The following MYO18B variants were observed in gnomAD, a reference collection of about 807,000 sequenced individuals.
MYO18B encodes myosin XVIIIB, also known as unconventional myosin-XVIIIb.
A neutral mutation model predicts 273.0 loss-of-function variants in MYO18B; 204 were observed. That is an observed-to-expected ratio of 0.75 (90% CI 0.67 to 0.84). The LOEUF is 0.84. Among genes scored for constraint, MYO18B ranks in the 40% least tolerant of loss-of-function variants. MYO18B has a pLI of 0.00. For synonymous variants in MYO18B, 1,330 were observed against 1,305.7 expected, an observed-to-expected ratio of 1.02 and a Z score of -0.40; for missense variants, 3,212 against 3,287.6, an observed-to-expected ratio of 0.98 and a Z score of 0.56.
chr22:25,928,165 C>A (rs2092447454), intron 34 of MYO18B, among the ~76,000 whole-genome samples: 1 of 152,016 alleles, frequency 6.6e-6, no homozygotes, highest in Non-Finnish European at 1.5e-5. Context: ...GGAGCCAGTT[C>A]ATGAATGGTT....
intron 17 of MYO18B, among the ~76,000 whole-genome samples, chr22:25,843,385 GA>G (rs1353753501): frequency 6.6e-6 from 1 of 152,170 alleles, no homozygotes; most frequent in Non-Finnish European, 1.5e-5. Flanking sequence ...CTTTTAAAAT[GA>G]ATGTACTGTA....
chr22:25,945,004 C>T (rs1247494806), intron 34 of MYO18B, among the ~76,000 whole-genome samples: 1 of 152,068 alleles, frequency 6.6e-6, no homozygotes, highest in East Asian at 1.9e-4. Context: ...TTGATGACTC[C>T]ACTTTGCTAG....
At chr22:25,759,399 C>T (rs546899334) in intron 1 of MYO18B, among the ~76,000 whole-genome samples, 24 of 151,852 alleles carry the variant, frequency 1.6e-4, no homozygotes, top group African/African-American at 5.8e-4. Context: ...TGGAAACCAT[C>T]ATTCTCAGTA....
intron 36 of MYO18B, among the ~76,000 whole-genome samples, chr22:25,948,183 A>G (rs2269641): frequency 0.83 from 125,822 of 151,992 alleles, 53,010 homozygotes; most frequent in Middle Eastern, 0.96. Context: ...TCCATTGTCC[A>G]TCCATCCATC....
chr22:25,957,476 T>G (rs2092867186), intron 39 of MYO18B, among the ~76,000 whole-genome samples: 1 of 152,248 alleles, frequency 6.6e-6, no homozygotes, highest in Admixed American at 6.5e-5. Flanking sequence ...GGCAAGATTC[T>G]GGATAAGTTT....
intron 18 of MYO18B, 121 bp downstream of exon 18, chr22:25,844,015 C>G (rs1006278493): frequency 1.2e-6 from 1 of 857,098 alleles, no homozygotes; most frequent in Non-Finnish European, 1.7e-6. Flanking sequence ...AATCCCATCC[C>G]TCCATAATGG....
intron 21 of MYO18B, among the ~76,000 whole-genome samples, chr22:25,854,433 GGTA>G (rs2090510592): frequency 6.6e-6 from 1 of 152,098 alleles, no homozygotes. Context: ...CACCCAGCCA[GGTA>G]GTAGTAGAGC....
chr22:25,864,434 CT>C (rs2090829259), intron 21 of MYO18B, among the ~76,000 whole-genome samples: 1 of 152,130 alleles, frequency 6.6e-6, no homozygotes. Context: ...CTTATATGAC[CT>C]TATTAAATCT....
chr22:25,877,868 C>T (rs1351674979), intron 24 of MYO18B, 91 bp from the exon 25 acceptor site: 103 of 954,462 alleles, frequency 1.1e-4, no homozygotes, highest in South Asian at 7.7e-4. Flanking sequence ...TTCCTCCTAA[C>T]GGAAACTTTG....
At chr22:25,937,495 C>T (rs74893042) in intron 34 of MYO18B, among the ~76,000 whole-genome samples, 2,395 of 152,122 alleles carry the variant, frequency 0.016, 75 homozygotes, top group African/African-American at 0.055. Context: ...CCAAGAGTAG[C>T]CACCACACTG....
At chr22:25,829,282 A>C (rs1167905554) in intron 15 of MYO18B, among the ~76,000 whole-genome samples, 1 of 152,164 alleles carries the variant, frequency 6.6e-6, no homozygotes, top group African/African-American at 2.4e-5. Flanking sequence ...CTTAAGCAGA[A>C]GGCTCCTCCA....
intron 1 of MYO18B, among the ~76,000 whole-genome samples, chr22:25,755,473 T>TG (rs927228287): frequency 3.3e-5 from 5 of 152,208 alleles, no homozygotes; most frequent in African/African-American, 1.2e-4. Flanking sequence ...CCCAAAGTGT[T>TG]GGAGTTACAG....
At chr22:25,903,446 C>A (rs1312187337) in intron 30 of MYO18B, among the ~76,000 whole-genome samples, 185 bp from the exon 31 acceptor site, 2 of 152,164 alleles carry the variant, frequency 1.3e-5, no homozygotes, top group African/African-American at 4.8e-5. Flanking sequence ...GGAGCTATAC[C>A]AAGAGCAGCC....
intron 12 of MYO18B, among the ~76,000 whole-genome samples, chr22:25,804,108 C>A (rs1217275443): frequency 6.6e-6 from 1 of 152,148 alleles, no homozygotes; most frequent in Admixed American, 6.5e-5. Flanking sequence ...TAGCTACAAC[C>A]ATGCCCAGAA....
At chr22:26,017,027 TC>T (rs1395937796) in intron 42 of MYO18B, among the ~76,000 whole-genome samples, 1 of 18,254 alleles carries the variant, frequency 5.5e-5, no homozygotes, top group African/African-American at 7.4e-4. Flanking sequence ...TAGGCTAATT[TC>T]CTTCCTTCCT....
At chr22:26,057,466 G>C in the MYO18B span, among the ~76,000 whole-genome samples, 1 of 151,304 alleles carries the variant, frequency 6.6e-6, no homozygotes. Context: ...AGGCACAGAG[G>C]AGTTCTGTAA....
intron 9 of MYO18B, among the ~76,000 whole-genome samples, chr22:25,780,420 G>A (rs925280867): frequency 2.6e-5 from 4 of 151,600 alleles, no homozygotes; most frequent in Non-Finnish European, 4.4e-5. Flanking sequence ...GTAAAACCCC[G>A]TCTCTACTAA....
rs1306548012 is a variant in MYO18B at position 26,027,710 on chromosome 22, G to T, written c.*12+20G>T. On this transcript the variant is annotated intron_variant, in intron 43 of 43. Coordinates refer to ENST00000335473, the MANE Select transcript of MYO18B (RefSeq NM_032608.7). This position sits in a 1 kb window ranked among gnomAD's most constrained non-coding sequence, Gnocchi z 4.1. ...GTTCAGGTAAAAGCAACAGGCTGGGGCTATTCTTGGGGGAATGAGAGTTCA... is the reference window on the plus strand; with the variant it reads ...GTTCAGGTAAAAGCAACAGGCTGGGTCTATTCTTGGGGGAATGAGAGTTCA... 3.8e-6 allele frequency: 6 copies of T among 1,565,694 alleles called. No homozygotes were observed. The highest frequency in any genetic ancestry group is 2.3e-5 in the East Asian group (1 of 43,542).
At chr22:26,049,041 G>A in the MYO18B span, among the ~76,000 whole-genome samples, 5 of 151,982 alleles carry the variant, frequency 3.3e-5, no homozygotes, top group African/African-American at 9.7e-5. Flanking sequence ...ACAAACCTGC[G>A]CATGTACACC....
Sources: allele counts gnomAD v4.1 joint callset (sites outside exome capture counted in the v4.1 genomes callset), GRCh38; gene constraint gnomAD v4.1.1; non-coding constraint Gnocchi (gnomAD v3.1); transcripts MANE v1.5; gene names NCBI Gene and HGNC (gene_info 2026-07-23, HGNC 2026-07-21).